Variants in GCNT1 observed in about 807,000 individuals in gnomAD.
GCNT1 encodes the protein beta-1,3-galactosyl-O-glycosyl-glycoprotein beta-1,6-N-acetylglucosaminyltransferase.
GCNT1 carries 16 observed loss-of-function variants against 26.2 expected under a neutral mutation model. That is an observed-to-expected ratio of 0.61 (90% CI 0.41 to 0.93). The LOEUF (loss-of-function observed/expected upper bound fraction) is 0.93, where lower values mean the gene tolerates loss of function less well. Among genes scored for constraint, GCNT1 ranks in the 40% least tolerant of loss-of-function variants. The probability of loss-of-function intolerance (pLI) is 0.00; values close to 1 mark genes in which losing one functional copy is unlikely to be tolerated. For synonymous variants in GCNT1, 183 were observed against 190.8 expected (o/e 0.96, Z 0.34); for missense variants, 477 against 526.7 (o/e 0.91, Z 0.92).
At chr9:76,410,347 G>A in the GCNT1 span, among the ~76,000 whole-genome samples, 10 of 152,100 alleles carry the variant, frequency 6.6e-5, no homozygotes, top group African/African-American at 1.7e-4. Flanking sequence ...CAGGAGAATC[G>A]CTTGAACCCA....
At chr9:76,433,800 G>T (rs1823369228) in intron 1 of GCNT1, among the ~76,000 whole-genome samples, 1 of 152,196 alleles carries the variant, frequency 6.6e-6, no homozygotes, top group Non-Finnish European at 1.5e-5. Context: ...ATAGTAGGAT[G>T]TGTGATGGAT....
At chr9:76,466,428 A>C (rs1016870687) in intron 2 of GCNT1, among the ~76,000 whole-genome samples, 4 of 152,132 alleles carry the variant, frequency 2.6e-5, no homozygotes, top group African/African-American at 9.7e-5. Context: ...TCAGCCTTCA[A>C]GTAGCACCAA....
chr9:76,440,606 A>G (rs1268349341), upstream of GCNT1, among the ~76,000 whole-genome samples: 2 of 152,128 alleles, frequency 1.3e-5, no homozygotes, highest in South Asian at 4.1e-4. Flanking sequence ...GATGGTTGCT[A>G]GGACCAAAAC....
chr9:76,434,795 A>G (rs951061327), intron 1 of GCNT1, among the ~76,000 whole-genome samples: 2 of 152,180 alleles, frequency 1.3e-5, no homozygotes, highest in Non-Finnish European at 2.9e-5. Flanking sequence ...AGCAAGGAAT[A>G]TAATATTAAG....
the GCNT1 span, among the ~76,000 whole-genome samples, chr9:76,404,685 G>A: frequency 1.3e-5 from 2 of 152,146 alleles, no homozygotes; most frequent in Non-Finnish European, 2.9e-5. Context: ...TACCCTTCTA[G>A]AGAAAGAGAT....
intron 1 of GCNT1, among the ~76,000 whole-genome samples, chr9:76,424,102 G>GT (rs1418151851): frequency 1.3e-5 from 2 of 152,230 alleles, no homozygotes; most frequent in Admixed American, 6.5e-5. Context: ...GCCAGCAGGA[G>GT]TGGGGGAAGA....
rs1381146388 is a variant in GCNT1, at chr9:76,503,510, G to T, written c.1129G>T (p.Val377Leu). ...APYPPCDGVH[V>L]RSVCIFGAGD... ...CTACCCGCCCTGCGATGGAGTCCAT[G>T]TGCGCTCAGTGTGCATTTTCGGAGC... Residue 377 changes from valine to leucine, a missense_variant, in exon 4 of 4, where the codon GTG becomes TTG. Val to Leu is a conservative substitution (Grantham distance 32). Transcript: ENST00000376730. 6.2e-7 allele frequency: 1 copy of T among 1,614,230 alleles called. No homozygotes were observed. The highest frequency in any genetic ancestry group is 1.7e-5 in the Admixed American group (1 of 60,018).
rs148090571 is a variant in GCNT1 at position 76,493,368 on chromosome 9, T to C, written c.-289-7548T>C. On this transcript the variant is annotated intron_variant, in intron 2 of 3. Transcript: ENST00000376730. ...TGCAGCTGAAGCCACATTCCTTTCA[T>C]TTAATGGCCCAGAGTTTGATCTAAC... 4.4e-3 allele frequency among the ~76,000 whole-genome samples: 663 copies of C among 152,278 alleles called. 5 individuals carry two copies. The highest frequency in any genetic ancestry group is 0.015 in the African/African-American group (640 of 41,560).
At chr9:76,479,091 A>T (rs1824341659) in intron 2 of GCNT1, among the ~76,000 whole-genome samples, 1 of 150,750 alleles carries the variant, frequency 6.6e-6, no homozygotes, top group Admixed American at 6.6e-5. Flanking sequence ...CTCACCTATG[A>T]GTGAGAACAT....
intron 1 of GCNT1, among the ~76,000 whole-genome samples, chr9:76,451,905 T>A (rs1007412365): frequency 2.6e-5 from 4 of 151,826 alleles, no homozygotes; most frequent in African/African-American, 4.8e-5. Flanking sequence ...TTTATAGCCA[T>A]ACACTTCCTT....
chr9:76,467,160 A>G (rs1824015879), intron 2 of GCNT1, among the ~76,000 whole-genome samples: 1 of 152,014 alleles, frequency 6.6e-6, no homozygotes, highest in Admixed American at 6.6e-5. Context: ...CTCCTGCCTC[A>G]GCCTCCCAAG....
the GCNT1 span, among the ~76,000 whole-genome samples, chr9:76,408,744 G>T: frequency 6.6e-6 from 1 of 151,920 alleles, no homozygotes; most frequent in Non-Finnish European, 1.5e-5. Context: ...ATAGTGTAGA[G>T]TGGCACAATC....
rs35278368 is a variant in GCNT1 at position 76,480,678 on chromosome 9, C to T, written c.-289-20238C>T. Among the ~76,000 whole-genome samples the T allele has an allele frequency of 3.9e-3, 590 of 152,120 alleles. 2 individuals carry two copies. Among genetic ancestry groups the T allele is most frequent in the Non-Finnish European group, 6.5e-3 (444 of 68,018 alleles). ...TCTTCTGTTAACGTGCTAATAAATA[C>T]TATTTTCATTAATGAGTGAAATGCA... On this transcript the variant is annotated intron_variant, in intron 2 of 3. Transcript: ENST00000376730.
chr9:76,478,649 C>T (rs1304451760), intron 2 of GCNT1, among the ~76,000 whole-genome samples: 1 of 152,162 alleles, frequency 6.6e-6, no homozygotes, highest in Non-Finnish European at 1.5e-5. Context: ...TCATGTTGTA[C>T]CCTAAGCCAG....
upstream of GCNT1, among the ~76,000 whole-genome samples, chr9:76,458,889 G>C (rs1823808533): frequency 6.6e-6 from 1 of 152,254 alleles, no homozygotes; most frequent in Non-Finnish European, 1.5e-5. Flanking sequence ...AGAAAAGGCA[G>C]CATTTCTCGA....
At chr9:76,426,768 G>T (rs1823263100) in intron 1 of GCNT1, among the ~76,000 whole-genome samples, 1 of 151,980 alleles carries the variant, frequency 6.6e-6, no homozygotes, top group Admixed American at 6.6e-5. Flanking sequence ...ATGGTGGTGG[G>T]CACCTGTAAT....
chr9:76,408,564 T>G, the GCNT1 span, among the ~76,000 whole-genome samples: 1 of 152,228 alleles, frequency 6.6e-6, no homozygotes, highest in African/African-American at 2.4e-5. Context: ...TTCAGAATTT[T>G]TACATCTATA....
At chr9:76,456,395 G>C (rs1823757860), upstream of GCNT1, among the ~76,000 whole-genome samples, 1 of 152,136 alleles carries the variant, frequency 6.6e-6, no homozygotes, top group Non-Finnish European at 1.5e-5. Context: ...TTTGAGGTCT[G>C]ACTCCCAGCC....
At chr9:76,462,579 C>A (rs1397821083) in intron 2 of GCNT1, among the ~76,000 whole-genome samples, 1 of 152,118 alleles carries the variant, frequency 6.6e-6, no homozygotes, top group African/African-American at 2.4e-5. Flanking sequence ...AAATGTTCCC[C>A]GGAGAACAAA....
Sources: allele counts gnomAD v4.1 joint callset (sites outside exome capture counted in the v4.1 genomes callset), GRCh38; gene constraint gnomAD v4.1.1; transcripts MANE v1.5; gene names NCBI Gene and HGNC (gene_info 2026-07-23, HGNC 2026-07-21).